The following RELCH variants were observed in gnomAD, a reference collection of about 807,000 sequenced individuals.
The protein encoded by RELCH is RAB11-binding protein RELCH.
In RELCH, 41 loss-of-function variants were observed where a neutral mutation model predicts 150.3. The ratio of observed to expected loss-of-function variants is 0.27; its 90% CI spans 0.21 to 0.35. RELCH has a LOEUF of 0.35. Ranked by LOEUF, RELCH falls within the 10% of genes least tolerant of loss-of-function variation. RELCH has a pLI of 1.00. For synonymous variants in RELCH, 478 were observed against 531.8 expected (o/e 0.90, Z 1.39); for missense variants, 1,092 against 1,467.8 (o/e 0.74, Z 4.18).
intron 11 of RELCH, among the ~76,000 whole-genome samples, chr18:62,252,380 ATGG>A (rs889163365): frequency 3.3e-5 from 5 of 151,800 alleles, no homozygotes; most frequent in Non-Finnish European, 7.4e-5. Context: ...CTATCTGGGC[ATGG>A]TGGTGAACAC....
At chr18:62,200,988 T>A (rs1384764481) in intron 1 of RELCH, among the ~76,000 whole-genome samples, 2 of 130,102 alleles carry the variant, frequency 1.5e-5, no homozygotes, top group Non-Finnish European at 3.2e-5. Context: ...TTTTTTTTTT[T>A]TTTGAGACTG....
chr18:62,253,973 G>A (rs967461436), intron 12 of RELCH, among the ~76,000 whole-genome samples: 20 of 151,722 alleles, frequency 1.3e-4, no homozygotes, highest in African/African-American at 4.8e-4. Flanking sequence ...TCAGTGTTGT[G>A]CAAGCTTCAC....
chr18:62,209,633 G>T (rs1429361258), intron 1 of RELCH, among the ~76,000 whole-genome samples: 2 of 121,504 alleles, frequency 1.6e-5, no homozygotes, highest in Non-Finnish European at 3.3e-5. Context: ...TTAGCATCAA[G>T]TTCTCAATTT....
At chr18:62,286,950 T>C (rs1324013159) in intron 25 of RELCH, among the ~76,000 whole-genome samples, 1 of 152,188 alleles carries the variant, frequency 6.6e-6, no homozygotes, top group Non-Finnish European at 1.5e-5. Flanking sequence ...ATATACTCTT[T>C]TGATTTCATA....
chr18:62,291,691 C>A, intron 27 of RELCH, 60 bp downstream of exon 27: 1 of 1,072,398 alleles, frequency 9.3e-7, no homozygotes. Flanking sequence ...TATAGACTTG[C>A]AGTCTTCTCT....
chr18:62,233,131 T>C (rs1000646086), intron 10 of RELCH, among the ~76,000 whole-genome samples: 2 of 151,702 alleles, frequency 1.3e-5, no homozygotes, highest in African/African-American at 4.8e-5. Context: ...TAAATTATTA[T>C]TAAATATAGT....
In RELCH at chr18:62,254,501, G is replaced by C. The variant is rs1302228070; in HGVS notation, c.1825-906G>C. 2.0e-4 allele frequency among the ~76,000 whole-genome samples: 14 copies of C among 68,410 alleles called. No homozygotes were observed. In the Admixed American group the frequency reaches 2.4e-3, roughly 12 times the overall value. The allele number at this position is 68,410 out of a possible 152,430, so 44.9% of individuals were successfully genotyped here. On this transcript the variant is annotated intron_variant, in intron 12 of 28. Transcript: ENST00000644646. ...GAAAGTTTATGCACAGCCATACGTT[G>C]ACATTCAAACATTCTACTTTTGAGG...
chr18:62,295,810 C>T (rs1008277136), intron 27 of RELCH, among the ~76,000 whole-genome samples: 5 of 152,028 alleles, frequency 3.3e-5, no homozygotes, highest in Non-Finnish European at 1.5e-5. Flanking sequence ...TGGGTTCAAG[C>T]GATCCACCCA....
chr18:62,273,304 G>C (rs1027945293), intron 20 of RELCH, among the ~76,000 whole-genome samples: 15 of 151,842 alleles, frequency 9.9e-5, no homozygotes, highest in Admixed American at 8.5e-4. Flanking sequence ...GTTGAAAAAA[G>C]TTTGAAAAAC....
intron 10 of RELCH, among the ~76,000 whole-genome samples, chr18:62,242,305 G>A (rs1209421911): frequency 6.6e-6 from 1 of 152,084 alleles, no homozygotes; most frequent in South Asian, 2.1e-4. Context: ...TTTTTTCAAA[G>A]TCCTAAATTC....
intron 10 of RELCH, among the ~76,000 whole-genome samples, chr18:62,240,723 ACT>A (rs2042109018): frequency 1.3e-5 from 2 of 152,038 alleles, no homozygotes; most frequent in Non-Finnish European, 2.9e-5. Flanking sequence ...GATCATAGAC[ACT>A]CTGTTAAATA....
At chr18:62,196,101 C>T (rs2039022621) in intron 1 of RELCH, among the ~76,000 whole-genome samples, 1 of 152,206 alleles carries the variant, frequency 6.6e-6, no homozygotes, top group Non-Finnish European at 1.5e-5. Context: ...ACTAAGATGT[C>T]ACGATTGCTT....
intron 28 of RELCH, among the ~76,000 whole-genome samples, chr18:62,301,436 A>G (rs1321101989): frequency 6.6e-6 from 1 of 152,252 alleles, no homozygotes; most frequent in East Asian, 1.9e-4. Context: ...CTATTGTAGC[A>G]GGAAAGCAGC....
intron 28 of RELCH, among the ~76,000 whole-genome samples, chr18:62,299,747 G>A (rs9954079): frequency 0.058 from 8,767 of 152,010 alleles, 839 homozygotes; most frequent in African/African-American, 0.2. Context: ...AAAATAAACT[G>A]AAAATATAAT....
In RELCH at chr18:62,257,958, G is replaced by A. The variant is rs769718627; in HGVS notation, c.1907G>A (p.Arg636His). ...ALAPYLPKEI[R>H]SSLVLSMLQQ... is the part of the protein sequence containing the mutation. Reference sequence around the variant, plus strand: ...CATGTTTATTTTCAGAAAGAAATCCGTAGCTCCTTGGTTCTTTCAATGTTG... The same window carrying A: ...CATGTTTATTTTCAGAAAGAAATCCATAGCTCCTTGGTTCTTTCAATGTTG... Residue 636 changes from arginine to histidine, a missense_variant, in exon 14 of 29, where the codon CGT (arginine) becomes CAT (histidine). Around this residue, in one of 4 missense-constraint regions of RELCH, gnomAD observed 707 missense variants for 1,025.4 expected, o/e 0.69. Coordinates refer to ENST00000644646, the MANE Select transcript of RELCH (RefSeq NM_001346231.2). 7 of 1,592,900 alleles carry A rather than the reference G, an allele frequency of 4.4e-6. No individual in the cohort carries two copies. Among genetic ancestry groups the A allele is most frequent in the South Asian group, 2.3e-5 (2 of 86,616 alleles).
intron 14 of RELCH, among the ~76,000 whole-genome samples, 173 bp from the exon 15 acceptor site, chr18:62,258,337 CCT>C (rs2043089749): frequency 6.6e-6 from 1 of 151,934 alleles, no homozygotes; most frequent in Non-Finnish European, 1.5e-5. Context: ...TTTACCACTC[CCT>C]CTCTTTGGTT....
At chr18:62,214,372 G>T (rs2040355877) in intron 2 of RELCH, among the ~76,000 whole-genome samples, 1 of 152,090 alleles carries the variant, frequency 6.6e-6, no homozygotes, top group African/African-American at 2.4e-5. Context: ...CTATCAAAAG[G>T]CCAGTAATTG....
intron 2 of RELCH, among the ~76,000 whole-genome samples, chr18:62,220,580 T>TAA (rs200282776): frequency 1.3e-5 from 2 of 149,644 alleles, no homozygotes; most frequent in South Asian, 2.1e-4. Context: ...TTAACTTTTG[T>TAA]AAAAAAAAAA....
intron 27 of RELCH, among the ~76,000 whole-genome samples, chr18:62,297,594 G>A (rs562193999): frequency 1.7e-4 from 26 of 152,290 alleles, no homozygotes; most frequent in Admixed American, 1.4e-3. Flanking sequence ...TCAAAAAAGC[G>A]TAACCTAGAG....
Sources: gnomAD v4.1 joint callset for allele counts (sites outside exome capture counted in the v4.1 genomes callset) on GRCh38, gnomAD v4.1.1 for gene constraint, gnomAD v4.1.1 regional missense constraint, MANE v1.5 for transcripts, NCBI Gene and HGNC (gene_info 2026-07-23, HGNC 2026-07-21) for gene names.